Variants in SORCS3 observed in about 807,000 individuals in gnomAD.
The protein encoded by SORCS3 is VPS10 domain-containing receptor SorCS3.
SORCS3 carries 57 observed loss-of-function variants against 146.3 expected under a neutral mutation model. The observed-to-expected ratio is 0.39, with a 90% confidence interval of 0.31 to 0.49. The LOEUF (loss-of-function observed/expected upper bound fraction) is 0.49. Among genes scored for constraint, SORCS3 ranks in the 20% least tolerant of loss-of-function variants. The pLI is 0.92. For missense variants in SORCS3, 1,341 were observed against 1,575.5 expected, an observed-to-expected ratio of 0.85 and a Z score of 2.52; for synonymous variants, 653 against 618.5, an observed-to-expected ratio of 1.06 and a Z score of -0.83.
intron 20 of SORCS3, among the ~76,000 whole-genome samples, chr10:105,224,011 T>A (rs2056719653): frequency 1.3e-5 from 2 of 152,220 alleles, no homozygotes; most frequent in African/African-American, 4.8e-5. Flanking sequence ...TCCACACATG[T>A]ATAGCCTCCT....
chr10:105,070,598 A>G (rs954544556), intron 5 of SORCS3, among the ~76,000 whole-genome samples: 1 of 152,218 alleles, frequency 6.6e-6, no homozygotes, highest in Non-Finnish European at 1.5e-5. Context: ...TAAGAACTCT[A>G]CATGGAAGAG....
intron 5 of SORCS3, among the ~76,000 whole-genome samples, chr10:105,058,996 T>A (rs2055464932): frequency 6.6e-6 from 1 of 152,308 alleles, no homozygotes; most frequent in Non-Finnish European, 1.5e-5. Flanking sequence ...CGATAGTTTC[T>A]TCGGCCCCAC....
chr10:105,252,835 G>T lies in SORCS3; in HGVS notation c.3166G>T (p.Ala1056Ser). 1.2e-6 allele frequency: 2 copies of T among 1,614,072 alleles called. No individual in the cohort carries two copies. Among genetic ancestry groups the T allele is most frequent in the Non-Finnish European group, 1.7e-6 (2 of 1,179,964 alleles). The change falls in exon 23 of 27, where the codon GCA becomes TCA. Residue 1056 changes from alanine (A) to serine (S), a missense_variant. Ala to Ser is a moderately conservative substitution (Grantham distance 99, BLOSUM62 1). Transcript: ENST00000369701. ...CGTGTTTCCTGGTCTCCCCACTTCA[G>T]CAGAGCTTTTCATTCTTCCACCCAA... is the stretch of plus-strand genomic sequence containing the variant. Reference protein sequence around the residue: ...IAVFPGLPTSAELFILPPKNL... With the variant: ...IAVFPGLPTSSELFILPPKNL...
chr10:104,752,056 G>A (rs1433451195), intron 1 of SORCS3, among the ~76,000 whole-genome samples: 2 of 143,874 alleles, frequency 1.4e-5, no homozygotes, highest in African/African-American at 2.5e-5. Flanking sequence ...TTTTTTTGAG[G>A]CAGAGTCTTG....
intron 1 of SORCS3, among the ~76,000 whole-genome samples, chr10:104,666,673 A>G (rs2015782167): frequency 6.6e-6 from 1 of 152,144 alleles, no homozygotes; most frequent in Non-Finnish European, 1.5e-5. Flanking sequence ...TGATGTGATC[A>G]TAGCTCACTG....
At chr10:104,732,044 T>C (rs1469655934) in intron 1 of SORCS3, among the ~76,000 whole-genome samples, 5 of 152,244 alleles carry the variant, frequency 3.3e-5, no homozygotes, top group Admixed American at 2.0e-4. Flanking sequence ...AATGAGATTA[T>C]GGACACAATA....
At chr10:104,925,778 TGGAGAAGGTAGCAA>T (rs915340449) in intron 3 of SORCS3, among the ~76,000 whole-genome samples, 7 of 152,226 alleles carry the variant, frequency 4.6e-5, no homozygotes, top group Non-Finnish European at 1.0e-4. Flanking sequence ...CAGAGGAGGC[TGGAGAAGGTAGCAA>T]GGAGATGCTG....
intron 13 of SORCS3, among the ~76,000 whole-genome samples, chr10:105,172,440 T>A (rs1320653221): frequency 6.6e-6 from 1 of 152,198 alleles, no homozygotes; most frequent in East Asian, 1.9e-4. Flanking sequence ...TGGAAATCTT[T>A]ATTCTATCTG....
At chr10:105,044,417 T>A (rs1459162597) in intron 5 of SORCS3, among the ~76,000 whole-genome samples, 2 of 151,928 alleles carry the variant, frequency 1.3e-5, no homozygotes, top group East Asian at 3.9e-4. Flanking sequence ...CAAAAAAAAA[T>A]TTTTGTTAGA....
intron 2 of SORCS3, among the ~76,000 whole-genome samples, chr10:104,862,499 A>G (rs1390970698): frequency 6.6e-6 from 1 of 151,962 alleles, no homozygotes; most frequent in African/African-American, 2.4e-5. Context: ...TTTTTACTTT[A>G]TTCCTGATTT....
intron 20 of SORCS3, among the ~76,000 whole-genome samples, chr10:105,242,768 TTTTATATA>T (rs559987368): frequency 0.073 from 7,557 of 103,796 alleles, 391 homozygotes; most frequent in Admixed American, 0.11. Context: ...ATTTTATATA[TTTTATATA>T]TTTATATATT....
At chr10:104,847,720 G>A (rs902354455) in intron 2 of SORCS3, among the ~76,000 whole-genome samples, 29 of 152,114 alleles carry the variant, frequency 1.9e-4, no homozygotes, top group African/African-American at 7.0e-4. Flanking sequence ...CCCTTCAATT[G>A]GTAGACCTTG....
chr10:105,053,338 GTGTCCTGGAGCAGAAGTGGCTAAGGCT>G (rs1241726258), intron 5 of SORCS3, among the ~76,000 whole-genome samples: 1 of 152,004 alleles, frequency 6.6e-6, no homozygotes, highest in Non-Finnish European at 1.5e-5. Flanking sequence ...CCACCAAGAG[GTGTCCTGGAGCAGAAGTGGCTAAGGCT>G]TGTCGGGGAA....
chr10:104,925,390 G>C (rs553829763), intron 3 of SORCS3, among the ~76,000 whole-genome samples: 1 of 152,216 alleles, frequency 6.6e-6, no homozygotes, highest in Admixed American at 6.5e-5. Flanking sequence ...TTTTGTCCAA[G>C]GCAAACATGA....
chr10:105,051,327 G>A (rs1260204002), intron 5 of SORCS3, among the ~76,000 whole-genome samples: 1 of 152,124 alleles, frequency 6.6e-6, no homozygotes, highest in East Asian at 1.9e-4. Flanking sequence ...GGGCAGAGAA[G>A]CAGGAAGTGA....
chr10:104,978,225 G>A (rs1774851552), intron 4 of SORCS3, among the ~76,000 whole-genome samples: 1 of 152,094 alleles, frequency 6.6e-6, no homozygotes, highest in African/African-American at 2.4e-5. Flanking sequence ...TCCACCTCGA[G>A]GCATATTCCA....
chr10:105,034,919 C>G (rs1174721333), intron 4 of SORCS3, among the ~76,000 whole-genome samples: 1 of 152,196 alleles, frequency 6.6e-6, no homozygotes, highest in African/African-American at 2.4e-5. Context: ...GTCTAGGATT[C>G]TAATTGCCAT....
At chr10:105,045,166 T>C (rs900666499) in intron 5 of SORCS3, among the ~76,000 whole-genome samples, 2 of 152,118 alleles carry the variant, frequency 1.3e-5, no homozygotes, top group Non-Finnish European at 2.9e-5. Context: ...CTGGGCTAGA[T>C]GAACCATGCC....
intron 4 of SORCS3, among the ~76,000 whole-genome samples, chr10:105,015,795 T>C (rs1388050818): frequency 6.6e-6 from 1 of 152,052 alleles, no homozygotes; most frequent in Non-Finnish European, 1.5e-5. Context: ...AGTGGCGTGA[T>C]CTCAGCTCAC....
Sources: gnomAD v4.1 joint callset for allele counts (sites outside exome capture counted in the v4.1 genomes callset) on GRCh38, gnomAD v4.1.1 for gene constraint, MANE v1.5 for transcripts, NCBI Gene and HGNC (gene_info 2026-07-23, HGNC 2026-07-21) for gene names.